The following MIPEP variants were observed in gnomAD, a reference collection of about 807,000 sequenced individuals.
The protein encoded by MIPEP is mitochondrial intermediate peptidase.
A neutral mutation model predicts 90.3 loss-of-function variants in MIPEP; 79 were observed. That is an observed-to-expected ratio of 0.87 (90% CI 0.73 to 1.05). The LOEUF is 1.05. MIPEP is among the 50% of genes least tolerant of loss of function. MIPEP has a pLI of 0.00. For missense variants in MIPEP, 940 were observed against 905.6 expected, an observed-to-expected ratio of 1.04 and a Z score of -0.49; for synonymous variants, 334 against 315.8, an observed-to-expected ratio of 1.06 and a Z score of -0.61.
intron 16 of MIPEP, among the ~76,000 whole-genome samples, chr13:23,789,915 C>T: frequency 1.3e-5 from 2 of 152,164 alleles, no homozygotes; most frequent in Admixed American, 6.5e-5. Flanking sequence ...CCACTTTCTG[C>T]CCTCTTCTTT....
At chr13:23,851,632 T>C (rs1356149843) in intron 10 of MIPEP, among the ~76,000 whole-genome samples, 1 of 152,156 alleles carries the variant, frequency 6.6e-6, no homozygotes, top group African/African-American at 2.4e-5. Context: ...AGCATCAATC[T>C]ACCTAGTGGT....
chr13:23,854,791 C>G (rs1869976918), intron 10 of MIPEP, among the ~76,000 whole-genome samples: 1 of 151,926 alleles, frequency 6.6e-6, no homozygotes, highest in African/African-American at 2.4e-5. Context: ...ACTCGGGAGG[C>G]TGAGGCAGGA....
chr13:23,755,200 C>A (rs1273605187), intron 18 of MIPEP, among the ~76,000 whole-genome samples: 2 of 152,236 alleles, frequency 1.3e-5, no homozygotes, highest in Non-Finnish European at 1.5e-5. Flanking sequence ...TCACTCTTCA[C>A]AAAGCTGATG....
chr13:23,853,834 GGGATTACA>G (rs1352044494), intron 10 of MIPEP, among the ~76,000 whole-genome samples: 3 of 151,932 alleles, frequency 2.0e-5, no homozygotes, highest in Admixed American at 6.5e-5. Context: ...CCAAAGTGCT[GGGATTACA>G]GGCATGAGCC....
At chr13:23,841,592 G>A (rs1025261388) in intron 10 of MIPEP, 104 bp from the exon 11 acceptor site, 13 of 1,255,874 alleles carry the variant, frequency 1.0e-5, no homozygotes, top group Admixed American at 2.5e-5. Context: ...TGGAGCTAAA[G>A]AAGGATTCAA....
At chr13:23,848,143 A>G (rs4770504) in intron 10 of MIPEP, among the ~76,000 whole-genome samples, 150,107 of 152,288 alleles carry the variant, frequency 0.99, 74,026 homozygotes, top group East Asian at 1. Flanking sequence ...CCAGTAAAGT[A>G]GAAATACTTT....
intron 14 of MIPEP, among the ~76,000 whole-genome samples, chr13:23,833,816 C>T (rs1566010626): frequency 1.3e-5 from 2 of 152,178 alleles, no homozygotes; most frequent in Admixed American, 6.5e-5. Context: ...CCTGTGTTCG[C>T]GCCCCTCGCC....
intron 16 of MIPEP, among the ~76,000 whole-genome samples, chr13:23,800,744 A>G (rs150952665): frequency 1.5e-4 from 23 of 152,320 alleles, no homozygotes; most frequent in African/African-American, 5.3e-4. Context: ...ATGTAAATGC[A>G]ATTTTCCAAA....
chr13:23,769,631 T>C (rs1206644496), intron 16 of MIPEP, among the ~76,000 whole-genome samples: 2 of 152,118 alleles, frequency 1.3e-5, no homozygotes, highest in East Asian at 1.9e-4. Flanking sequence ...TAGGGGCTCA[T>C]AGCTTTAGAA....
chr13:23,820,743 G>A (rs780941698), intron 14 of MIPEP, among the ~76,000 whole-genome samples: 1 of 152,146 alleles, frequency 6.6e-6, no homozygotes, highest in African/African-American at 2.4e-5. Context: ...GTGTCCTGCC[G>A]CTCTGGTGCC....
chr13:23,815,780 T>C (rs1451984372), intron 14 of MIPEP, among the ~76,000 whole-genome samples: 1 of 152,256 alleles, frequency 6.6e-6, no homozygotes, highest in Non-Finnish European at 1.5e-5. Context: ...AATCTATTAA[T>C]ATCTTCGATA....
intron 10 of MIPEP, among the ~76,000 whole-genome samples, chr13:23,852,853 A>AT (rs1869862129): frequency 6.6e-6 from 1 of 152,170 alleles, no homozygotes; most frequent in Non-Finnish European, 1.5e-5. Context: ...GTAGGACAAG[A>AT]TGTGGAGGTG....
At chr13:23,787,405 GGA>G (rs59011010) in intron 16 of MIPEP, among the ~76,000 whole-genome samples, 81,752 of 136,700 alleles carry the variant, frequency 0.6, 22,849 homozygotes, top group African/African-American at 0.66. Flanking sequence ...ACGGGGAGAG[GGA>G]GAGAGAGAGA....
chr13:23,865,355 T>C (rs1870485187), intron 7 of MIPEP, among the ~76,000 whole-genome samples: 1 of 152,190 alleles, frequency 6.6e-6, no homozygotes, highest in Non-Finnish European at 1.5e-5. Flanking sequence ...AGGAAATAAA[T>C]AATGGTGGTT....
intron 10 of MIPEP, among the ~76,000 whole-genome samples, chr13:23,849,433 T>C (rs1170003158): frequency 6.6e-6 from 1 of 152,304 alleles, no homozygotes; most frequent in East Asian, 1.9e-4. Context: ...ATTCCATGGA[T>C]CTGGACCCAG....
chr13:23,824,023 C>T (rs1016625363), intron 14 of MIPEP, among the ~76,000 whole-genome samples: 3 of 152,104 alleles, frequency 2.0e-5, no homozygotes, highest in Admixed American at 6.5e-5. Context: ...TTGTTGACCA[C>T]GCATAGGAAC....
intron 10 of MIPEP, among the ~76,000 whole-genome samples, chr13:23,845,187 C>G (rs1869479112): frequency 6.6e-6 from 1 of 152,074 alleles, no homozygotes; most frequent in Non-Finnish European, 1.5e-5. Flanking sequence ...ATATATTTTT[C>G]ATAAAAATAT....
intron 4 of MIPEP, among the ~76,000 whole-genome samples, chr13:23,876,189 T>A (rs895602619): frequency 1.3e-5 from 2 of 152,172 alleles, no homozygotes; most frequent in South Asian, 4.1e-4. Flanking sequence ...GGATCCATCA[T>A]CCCAAACCAG....
chr13:23,762,726 G>C (rs564944055), intron 16 of MIPEP, among the ~76,000 whole-genome samples: 1 of 152,202 alleles, frequency 6.6e-6, no homozygotes, highest in African/African-American at 2.4e-5. Context: ...CACTTGCACG[G>C]CTATTGTTTT....
Sources: gnomAD v4.1 joint callset for allele counts (sites outside exome capture counted in the v4.1 genomes callset) on GRCh38, gnomAD v4.1.1 for gene constraint, MANE v1.5 for transcripts, NCBI Gene and HGNC (gene_info 2026-07-23, HGNC 2026-07-21) for gene names.